TMEM50B: variants seen among roughly 807,000 people sequenced by gnomAD.
TMEM50B encodes HCV p7-trans-regulated protein 3.
A neutral mutation model predicts 23.4 loss-of-function variants in TMEM50B; 14 were observed. The observed-to-expected ratio is 0.60, with a 90% confidence interval of 0.39 to 0.93. The LOEUF (loss-of-function observed/expected upper bound fraction) is 0.93. TMEM50B is among the 40% of genes least tolerant of loss of function. TMEM50B has a pLI of 0.00. For missense variants in TMEM50B, 159 were observed against 193.0 expected (o/e 0.82, Z 1.04); for synonymous variants, 64 against 62.3 (o/e 1.03, Z -0.13).
chr21:33,473,457 G>GAAAA (rs35814774), intron 1 of TMEM50B, among the ~76,000 whole-genome samples: 11 of 84,806 alleles, frequency 1.3e-4, no homozygotes, highest in African/African-American at 1.6e-4. Context: ...TGTCTCGGAA[G>GAAAA]AAAAAAAAAA....
At chr21:33,478,406 G>A (rs577799595) in intron 1 of TMEM50B, among the ~76,000 whole-genome samples, 1 of 152,246 alleles carries the variant, frequency 6.6e-6, no homozygotes, top group South Asian at 2.1e-4. Context: ...GGTGCAGGCT[G>A]CAGTGAGCAG....
intron 8 of TMEM50B, chr21:33,437,198 T>C: frequency 2.0e-6 from 1 of 511,564 alleles, no homozygotes; most frequent in Non-Finnish European, 3.5e-6. Flanking sequence ...CCCAGGAAAA[T>C]TAAGGCTTCT....
At chr21:33,435,851 T>C (rs2083941159) in intron 8 of TMEM50B, among the ~76,000 whole-genome samples, 1 of 113,956 alleles carries the variant, frequency 8.8e-6, no homozygotes, top group Admixed American at 1.3e-4. Context: ...GCCACTGCAC[T>C]CCAGCCTGGC....
chr21:33,456,174 G>C, intron 5 of TMEM50B: 1 of 461,622 alleles, frequency 2.2e-6, no homozygotes, highest in Non-Finnish European at 4.4e-6. Flanking sequence ...TTTCTTTCAT[G>C]AATTCAAGAG....
At chr21:33,442,793 T>G (rs2123397649) in intron 7 of TMEM50B, among the ~76,000 whole-genome samples, 1 of 152,154 alleles carries the variant, frequency 6.6e-6, no homozygotes, top group African/African-American at 2.4e-5. Context: ...TGATGGTGCA[T>G]GCCTGTAGTT....
chr21:33,447,867 A>G (rs949352450), downstream of TMEM50B, among the ~76,000 whole-genome samples: 1 of 152,236 alleles, frequency 6.6e-6, no homozygotes, highest in African/African-American at 2.4e-5. Context: ...ATGACCACTG[A>G]ATCTATGTGA....
downstream of TMEM50B, among the ~76,000 whole-genome samples, chr21:33,448,184 C>T (rs566445738): frequency 2.6e-5 from 4 of 151,656 alleles, no homozygotes; most frequent in South Asian, 2.1e-4. Flanking sequence ...TAGTACAGAC[C>T]GGGTTTCAGT....
intron 2 of TMEM50B, chr21:33,468,289 A>T (rs1055698733): frequency 2.6e-5 from 4 of 152,538 alleles, no homozygotes; most frequent in Admixed American, 2.6e-4. Context: ...TTTCCTTCAC[A>T]AATCTCTTCC....
chr21:33,460,561 T>C, intron 4 of TMEM50B, 56 bp from the exon 5 acceptor site: 2 of 1,002,972 alleles, frequency 2.0e-6, no homozygotes, highest in Non-Finnish European at 3.0e-6. Flanking sequence ...TGTAACGTCT[T>C]AGGAATACAT....
intron 6 of TMEM50B, among the ~76,000 whole-genome samples, chr21:33,454,299 A>T (rs896648388): frequency 6.6e-6 from 1 of 151,876 alleles, no homozygotes; most frequent in Non-Finnish European, 1.5e-5. Flanking sequence ...ACTATGTATT[A>T]ATTATTATTA....
intron 5 of TMEM50B, among the ~76,000 whole-genome samples, chr21:33,459,928 A>G (rs1218617912): frequency 2.0e-5 from 3 of 152,156 alleles, no homozygotes. Context: ...TCATTCCTAC[A>G]ATAAAACATT....
intron 1 of TMEM50B, chr21:33,469,702 T>C (rs1355527805): frequency 6.6e-6 from 1 of 152,212 alleles, no homozygotes; most frequent in Non-Finnish European, 1.5e-5. Context: ...AGACCATTTA[T>C]AGGTGTTCTG....
chr21:33,463,162 G>A (rs551643751), intron 4 of TMEM50B, among the ~76,000 whole-genome samples: 1 of 151,586 alleles, frequency 6.6e-6, no homozygotes, highest in African/African-American at 2.4e-5. Context: ...CGTGGTGGCA[G>A]GCACCTGTAA....
At position 33,471,950 on chromosome 21, in the gene TMEM50B, A is replaced by G. The variant is rs565870578; in HGVS notation, c.-41-3024T>C. On this transcript the variant is annotated intron_variant, in intron 1 of 6. Transcript: ENST00000542230. ...CTCAGGAGGCTGAGGCAGAATGGCG[A>G]GAACCCGGGAGGTAGAGCTTGCAGT... is the stretch of plus-strand genomic sequence containing the variant. Among the ~76,000 whole-genome samples the G allele has an allele frequency of 6.1e-5, 9 of 148,414 alleles. No homozygotes were observed. The East Asian group carries it at 1.8e-3, about 29-fold the overall frequency.
At chr21:33,477,085 G>A (rs1568989797) in intron 1 of TMEM50B, among the ~76,000 whole-genome samples, 1 of 152,024 alleles carries the variant, frequency 6.6e-6, no homozygotes, top group Non-Finnish European at 1.5e-5. Context: ...TGGATGGCTT[G>A]AGTTCAGGAA....
In TMEM50B at chr21:33,478,466, C is replaced by CA. The variant is rs199560177; in HGVS notation, c.-42+1371dup. On this transcript the variant is annotated intron_variant, in intron 1 of 6. Transcript: ENST00000542230. ...CTGGTCAACGAGGGAGACTCTGTCT[C>CA]AAAAAAAACAGAAAAGGAAAATGAG... 6.6e-3 allele frequency among the ~76,000 whole-genome samples: 993 copies of CA among 151,214 alleles called. 13 individuals are homozygous for CA. The highest frequency in any genetic ancestry group is 0.022 in the African/African-American group (903 of 41,202).
chr21:33,475,293 T>C (rs1568988718), intron 1 of TMEM50B, among the ~76,000 whole-genome samples: 1 of 152,178 alleles, frequency 6.6e-6, no homozygotes, highest in Admixed American at 6.5e-5. Context: ...CTTTAAATTA[T>C]ACATGTTTTA....
At chr21:33,479,279 C>T (rs1456510380) in intron 1 of TMEM50B, 1 of 155,668 alleles carries the variant, frequency 6.4e-6, no homozygotes, top group Non-Finnish European at 1.4e-5. Context: ...TGTTGTTCCC[C>T]TTCCCTTTCC....
chr21:33,459,234 A>G (rs912236395), intron 5 of TMEM50B, among the ~76,000 whole-genome samples: 10 of 152,218 alleles, frequency 6.6e-5, no homozygotes, highest in African/African-American at 2.2e-4. Flanking sequence ...ATGAAAAGCT[A>G]TGGCACCTGG....
Sources: allele counts gnomAD v4.1 joint callset (sites outside exome capture counted in the v4.1 genomes callset), GRCh38; gene constraint gnomAD v4.1.1; transcripts MANE v1.5; gene names NCBI Gene and HGNC (gene_info 2026-07-23, HGNC 2026-07-21).